Variants in EDRF1 observed in about 807,000 individuals in gnomAD.
The protein encoded by EDRF1 is erythroid differentiation regulatory factor 1, also known as erythroid differentiation-related factor 1.
In EDRF1, 69 loss-of-function variants were observed where a neutral mutation model predicts 148.7. That is an observed-to-expected ratio of 0.46 (90% CI 0.38 to 0.57). The LOEUF is 0.57. Among genes scored for constraint, EDRF1 ranks in the 20% least tolerant of loss-of-function variants. EDRF1 has a pLI of 0.00. For synonymous variants in EDRF1, 515 were observed against 532.8 expected, an observed-to-expected ratio of 0.97 and a Z score of 0.46; for missense variants, 1,118 against 1,478.7, an observed-to-expected ratio of 0.76 and a Z score of 4.00.
At chr10:125,749,368 T>TG in intron 21 of EDRF1, 44 bp from the exon 22 acceptor site, 2 of 1,613,018 alleles carry the variant, frequency 1.2e-6, no homozygotes, top group Non-Finnish European at 8.5e-7. Flanking sequence ...AAGCCTGAAG[T>TG]AGTTACCGTG....
intron 6 of EDRF1, among the ~76,000 whole-genome samples, chr10:125,727,837 T>C (rs1287960029): frequency 6.6e-6 from 1 of 152,214 alleles, no homozygotes; most frequent in Non-Finnish European, 1.5e-5. Context: ...ACTACTTTCC[T>C]AATGATTGGA....
chr10:125,736,777 G>T (rs866970447), intron 13 of EDRF1, among the ~76,000 whole-genome samples: 3 of 151,800 alleles, frequency 2.0e-5, no homozygotes, highest in Middle Eastern at 6.8e-3. Context: ...TGCTTGGAAT[G>T]TACCTACCCT....
chr10:125,738,070 ATGT>A, intron 14 of EDRF1, 81 bp downstream of exon 14: 1 of 1,451,776 alleles, frequency 6.9e-7, no homozygotes, highest in Non-Finnish European at 9.7e-7. Context: ...TGGTATCTAA[ATGT>A]TATTCTGAAT....
chr10:125,725,703 T>C lies in EDRF1; in HGVS notation c.657T>C (p.Ala219=). 1 of 1,614,148 alleles carries C rather than the reference T, an allele frequency of 6.2e-7. No individual in the cohort carries two copies. Among genetic ancestry groups the C allele is most frequent in the Non-Finnish European group, 8.5e-7 (1 of 1,180,006 alleles). ...LYYSINGDGA[A]QPVSSTAEQQ... ...CCAGTATCAATGGTGATGGAGCCGCTCAGCCTGTCTCATCCACCGCAGAAC... is the reference window on the plus strand; with the variant it reads ...CCAGTATCAATGGTGATGGAGCCGCCCAGCCTGTCTCATCCACCGCAGAAC... Residue 219 remains alanine (A), a synonymous_variant, in exon 6 of 25, where the codon GCT becomes GCC. Coordinates refer to ENST00000356792, the MANE Select transcript of EDRF1 (RefSeq NM_001202438.2).
chr10:125,742,850 T>A, intron 17 of EDRF1: 1 of 898,960 alleles, frequency 1.1e-6, no homozygotes, highest in Non-Finnish European at 1.3e-6. Context: ...AATATTTTTA[T>A]CCAACATTAA....
chr10:125,744,441 C>T (rs1589852286), intron 18 of EDRF1, among the ~76,000 whole-genome samples: 1 of 152,178 alleles, frequency 6.6e-6, no homozygotes, highest in African/African-American at 2.4e-5. Context: ...GCTTTGGCTT[C>T]CCAAAGTTCT....
chr10:125,739,523 C>T lies in EDRF1; in HGVS notation c.1982-940C>T, dbSNP rs145501058. Among the ~76,000 whole-genome samples the T allele has an allele frequency of 1.2e-4, 18 of 152,272 alleles. No individual in the cohort carries two copies. In the East Asian group the frequency reaches 1.9e-3, roughly 16 times the overall value. On this transcript the variant is annotated intron_variant, in intron 15 of 24. Transcript: ENST00000356792. ...GGTTTTACACACACATGCACACACA[C>T]GGTTGTGAACAAGAACTTCATCTTA...
intron 7 of EDRF1, 109 bp from the exon 8 acceptor site, chr10:125,729,249 G>T: frequency 1.3e-6 from 2 of 1,491,052 alleles, no homozygotes; most frequent in Non-Finnish European, 1.8e-6. Flanking sequence ...TTAGCTCTGG[G>T]GCCTGACTTT....
In EDRF1 at chr10:125,727,422, G is replaced by C. The variant is rs1848309551; in HGVS notation, c.793-1581G>C. Among the ~76,000 whole-genome samples, 4 of 152,284 alleles carry C rather than the reference G, an allele frequency of 2.6e-5. 1 individual carries two copies. In the South Asian group the frequency reaches 8.3e-4, roughly 32 times the overall value. ...GCTGGCTTGAGGCCTTTGTTAAGCA[G>C]TTATAGAGGTTAAATAGGTGACTGT... On this transcript the variant is annotated intron_variant, in intron 6 of 24. Coordinates refer to ENST00000356792, the MANE Select transcript of EDRF1 (RefSeq NM_001202438.2).
chr10:125,754,408 G>C (rs981051242), intron 24 of EDRF1, among the ~76,000 whole-genome samples: 2 of 152,202 alleles, frequency 1.3e-5, no homozygotes, highest in Non-Finnish European at 2.9e-5. Context: ...ATACTCTGTT[G>C]TTAACGTTTT....
intron 15 of EDRF1, among the ~76,000 whole-genome samples, chr10:125,740,030 T>C (rs1848930813): frequency 6.6e-6 from 1 of 152,044 alleles, no homozygotes. Context: ...GGCTGATGGG[T>C]AGTAGGATGG....
At position 125,745,790 on chromosome 10, in the gene EDRF1, T is replaced by A; in HGVS notation, c.2674T>A (p.Ser892Thr). The A allele has an allele frequency of 6.2e-7, 1 of 1,614,232 alleles. No individual in the cohort carries two copies. Among genetic ancestry groups the A allele is most frequent in the South Asian group, 1.1e-5 (1 of 91,088 alleles). Residue 892 changes from serine to threonine, a missense_variant, in exon 19 of 25, where the codon TCA (serine) becomes ACA (threonine). Ser to Thr is a moderately conservative substitution (Grantham distance 58). This residue lies in a region of EDRF1 where 954 missense variants were observed against 1,241.4 expected (regional missense o/e 0.77). Transcript: ENST00000356792. ...TGAAAAGGGAATTCACAACTTTGAA[T>A]CAATTGAGGATGCCACCAATGCCGC... ...CFEKGIHNFE[S>T]IEDATNAALL...
rs1848997236 is a variant in EDRF1 at position 125,741,150 on chromosome 10, AAAG to A, written c.2325_2327del (p.Glu775del). ...CCTTGAAGAGTTTCATTACCAAACA[AAAG>A]AAGACCAGGAGATCCTGCATAGCCT... On this transcript the variant is annotated inframe_deletion, in exon 17 of 25. Transcript: ENST00000356792. 6.2e-7 allele frequency: 1 copy of A among 1,614,210 alleles called. No individual in the cohort carries two copies. The highest frequency in any genetic ancestry group is 8.5e-7 in the Non-Finnish European group (1 of 1,180,040).
chr10:125,727,800 C>T (rs1376461633), intron 6 of EDRF1, among the ~76,000 whole-genome samples: 4 of 152,192 alleles, frequency 2.6e-5, no homozygotes, highest in African/African-American at 7.2e-5. Flanking sequence ...ACATTAAAAG[C>T]TTAAAGTAGT....
chr10:125,738,576 T>G lies in EDRF1; in HGVS notation c.1981+131T>G, dbSNP rs1025480207. The G allele has an allele frequency of 1.3e-5, 14 of 1,048,688 alleles. No individual in the cohort carries two copies. In the Admixed American group the frequency reaches 1.5e-4, roughly 11 times the overall value. 65.0% of individuals were successfully genotyped at this position (1,048,688 alleles called of 1,614,324 possible). A position where few individuals can be genotyped will look rare whatever the true frequency, so the allele number is the denominator to read the frequency against. ...AAAAAGATATCCTGTGAACTGGAATTAGGGGTAGTATTCTTTCATTTGAAA... is the reference window on the plus strand; with the variant it reads ...AAAAAGATATCCTGTGAACTGGAATGAGGGGTAGTATTCTTTCATTTGAAA... On this transcript the variant is annotated intron_variant, in intron 15 of 24. Transcript: ENST00000356792.
rs771083935 is a variant in EDRF1, at chr10:125,721,277, G to T, written c.182G>T (p.Arg61Leu). The change falls in exon 2 of 25, where the codon CGA (arginine) becomes CTA (leucine). Residue 61 changes from arginine to leucine, a missense_variant. Arg to Leu is a moderately radical substitution (Grantham distance 102, BLOSUM62 -2). Coordinates refer to ENST00000356792, the MANE Select transcript of EDRF1 (RefSeq NM_001202438.2). ...AVVKYSSAPP[R>L]TAFARLEEKT... ...GTGAAATACTCTTCTGCCCCTCCTC[G>T]AACAGCATTTGCACGCCTTGAAGAG... 6.2e-7 allele frequency: 1 copy of T among 1,614,108 alleles called. No homozygotes were observed. Among genetic ancestry groups the T allele is most frequent in the South Asian group, 1.1e-5 (1 of 91,076 alleles).
At chr10:125,751,955 A>G (rs145093545) in intron 22 of EDRF1, 2 of 152,394 alleles carry the variant, frequency 1.3e-5, no homozygotes, top group Admixed American at 6.5e-5. Flanking sequence ...AAGTGTATCA[A>G]TCAATACATG....
At chr10:125,741,957 G>A (rs1266037238) in intron 17 of EDRF1, among the ~76,000 whole-genome samples, 2 of 152,164 alleles carry the variant, frequency 1.3e-5, no homozygotes, top group African/African-American at 4.8e-5. Flanking sequence ...GCCTCCCAAA[G>A]TGCTGGGATT....
chr10:125,719,745 G>C lies in EDRF1; in HGVS notation c.-63G>C. 7.3e-7 allele frequency: 1 copy of C among 1,377,242 alleles called. No individual in the cohort carries two copies. Among genetic ancestry groups the C allele is most frequent in the Non-Finnish European group, 1.0e-6 (1 of 993,748 alleles). The allele number at this position is 1,377,242 out of a possible 1,614,324, so 85.3% of individuals were successfully genotyped here. On this transcript the variant is annotated 5_prime_UTR_variant, in exon 1 of 25. Coordinates refer to ENST00000356792, the MANE Select transcript of EDRF1 (RefSeq NM_001202438.2). Reference sequence around the variant, plus strand: ...CGTCTCTGGCGCTTACCCTGCTTTGGGCCTGCGTTGCTGCTGCTGCTCCTC... The same window carrying C: ...CGTCTCTGGCGCTTACCCTGCTTTGCGCCTGCGTTGCTGCTGCTGCTCCTC...
Sources: gnomAD v4.1 joint callset for allele counts (sites outside exome capture counted in the v4.1 genomes callset) on GRCh38, gnomAD v4.1.1 for gene constraint, gnomAD v4.1.1 regional missense constraint, MANE v1.5 for transcripts, NCBI Gene and HGNC (gene_info 2026-07-23, HGNC 2026-07-21) for gene names.